CACNA1E: variants seen among roughly 807,000 people sequenced by gnomAD.
CACNA1E encodes the protein calcium voltage-gated channel subunit alpha1 E.
CACNA1E carries 40 observed loss-of-function variants against 259.2 expected under a neutral mutation model. The observed-to-expected ratio is 0.15, with a 90% CI of 0.12 to 0.20. The LOEUF (loss-of-function observed/expected upper bound fraction) is 0.20. Among genes scored for constraint, CACNA1E ranks in the 10% least tolerant of loss-of-function variants. The pLI is 1.00. For synonymous variants in CACNA1E, 1,104 were observed against 1,138.5 expected (o/e 0.97, Z 0.61); for missense variants, 1,874 against 3,040.1 (o/e 0.62, Z 9.02).
chr1:181,666,882 CATCTTAT>C (rs1648288468), intron 7 of CACNA1E, among the ~76,000 whole-genome samples: 1 of 151,980 alleles, frequency 6.6e-6, no homozygotes. Context: ...GTTGGAGCCC[CATCTTAT>C]ATCTTATATC....
chr1:181,714,865 A>T (rs2102446868), intron 8 of CACNA1E, among the ~76,000 whole-genome samples: 1 of 152,234 alleles, frequency 6.6e-6, no homozygotes, highest in South Asian at 2.1e-4. Context: ...TCCTCCTCAG[A>T]GACATAGAAT....
At chr1:181,725,173 G>A (rs1252882974) in intron 17 of CACNA1E, among the ~76,000 whole-genome samples, 2 of 152,224 alleles carry the variant, frequency 1.3e-5, no homozygotes, top group African/African-American at 4.8e-5. Context: ...TTGGGCAGAG[G>A]TGCATAGCAT....
At chr1:181,509,201 TG>T (rs1665967789) in intron 1 of CACNA1E, among the ~76,000 whole-genome samples, 1 of 152,126 alleles carries the variant, frequency 6.6e-6, no homozygotes, top group Non-Finnish European at 1.5e-5. Context: ...CCAGAGCAAC[TG>T]GTGAGCAGCT....
intron 39 of CACNA1E, among the ~76,000 whole-genome samples, chr1:181,783,417 G>C (rs184288046): frequency 6.6e-6 from 1 of 152,134 alleles, no homozygotes; most frequent in Non-Finnish European, 1.5e-5. Flanking sequence ...TGAATGATTA[G>C]GGAAGCCCCT....
chr1:181,628,067 T>C (rs35821839), intron 6 of CACNA1E, among the ~76,000 whole-genome samples: 59,077 of 152,108 alleles, frequency 0.39, 14,239 homozygotes, highest in East Asian at 0.58. Context: ...GATGAGATAA[T>C]GAGATGAAGA....
At chr1:181,407,877 G>T (rs566295871) in intron 1 of CACNA1E, among the ~76,000 whole-genome samples, 4 of 152,284 alleles carry the variant, frequency 2.6e-5, no homozygotes, top group African/African-American at 7.2e-5. Context: ...TATATAAGTT[G>T]TAGAGTATCA....
intron 27 of CACNA1E, among the ~76,000 whole-genome samples, chr1:181,754,479 T>C (rs1361934671): frequency 6.6e-6 from 1 of 152,200 alleles, no homozygotes; most frequent in Non-Finnish European, 1.5e-5. Context: ...CTGCAATGTA[T>C]TGAATTCCCA....
At chr1:181,484,559 G>A (rs1282367817) in intron 1 of CACNA1E, among the ~76,000 whole-genome samples, 1 of 152,190 alleles carries the variant, frequency 6.6e-6, no homozygotes, top group East Asian at 1.9e-4. Context: ...TTTTGGGTGG[G>A]GACTCAGCTA....
chr1:181,697,248 T>G (rs1312929052), intron 7 of CACNA1E, among the ~76,000 whole-genome samples: 1 of 152,254 alleles, frequency 6.6e-6, no homozygotes, highest in Non-Finnish European at 1.5e-5. Flanking sequence ...CCTAAGGGCC[T>G]CAGGTGGCAC....
At chr1:181,638,626 C>CAA (rs1558214021) in intron 6 of CACNA1E, among the ~76,000 whole-genome samples, 4 of 152,060 alleles carry the variant, frequency 2.6e-5, no homozygotes, top group Non-Finnish European at 5.9e-5. Flanking sequence ...TGGCTGTGTC[C>CAA]CCGCCCAAAA....
At chr1:181,636,376 A>G (rs1376077432) in intron 6 of CACNA1E, among the ~76,000 whole-genome samples, 1 of 152,220 alleles carries the variant, frequency 6.6e-6, no homozygotes, top group Non-Finnish European at 1.5e-5. Flanking sequence ...AGAAGATGAA[A>G]TGTGATAATG....
chr1:181,634,349 T>C (rs562818682), intron 6 of CACNA1E, among the ~76,000 whole-genome samples: 1 of 152,296 alleles, frequency 6.6e-6, no homozygotes, highest in South Asian at 2.1e-4. Flanking sequence ...ACTCTGAACA[T>C]AGCCATAGTT....
intron 27 of CACNA1E, among the ~76,000 whole-genome samples, chr1:181,753,872 G>A (rs539252954): frequency 2.0e-4 from 30 of 152,284 alleles, no homozygotes; most frequent in African/African-American, 6.7e-4. Flanking sequence ...ACTGAAACCT[G>A]GCTACCTTTC....
intron 7 of CACNA1E, among the ~76,000 whole-genome samples, chr1:181,657,994 TCTC>T (rs1347644725): frequency 6.6e-6 from 1 of 152,224 alleles, no homozygotes; most frequent in Non-Finnish European, 1.5e-5. Flanking sequence ...GACCACAGGC[TCTC>T]CTCTTGTATT....
intron 3 of CACNA1E, among the ~76,000 whole-genome samples, chr1:181,543,074 T>C (rs936015931): frequency 1.1e-4 from 16 of 152,148 alleles, no homozygotes; most frequent in African/African-American, 3.6e-4. Context: ...TATTAGAGAA[T>C]ACTCTGTAAG....
intron 6 of CACNA1E, among the ~76,000 whole-genome samples, chr1:181,647,596 T>C (rs1468418272): frequency 6.6e-6 from 1 of 152,182 alleles, no homozygotes; most frequent in Admixed American, 6.5e-5. Flanking sequence ...ACTTGCTGCC[T>C]TGAGTTGTCG....
intron 8 of CACNA1E, among the ~76,000 whole-genome samples, chr1:181,715,129 C>A (rs1406468098): frequency 6.6e-6 from 1 of 152,140 alleles, no homozygotes; most frequent in Non-Finnish European, 1.5e-5. Context: ...CCCCAAACAC[C>A]CCCTCCCCGA....
intron 1 of CACNA1E, among the ~76,000 whole-genome samples, chr1:181,355,872 CTG>C (rs1653393162): frequency 1.3e-5 from 2 of 152,122 alleles, no homozygotes; most frequent in African/African-American, 4.8e-5. Flanking sequence ...ATCTCAGGGA[CTG>C]TGCAGCAAAC....
At chr1:181,783,634 T>A (rs1399739568) in intron 39 of CACNA1E, 45 bp from the exon 40 acceptor site, 3 of 380,772 alleles carry the variant, frequency 7.9e-6, no homozygotes, top group Admixed American at 6.9e-5. Flanking sequence ...TGTCTTTCAA[T>A]TTTTTTTTTT....
Sources: gnomAD v4.1 joint callset for allele counts (sites outside exome capture counted in the v4.1 genomes callset) on GRCh38, gnomAD v4.1.1 for gene constraint, MANE v1.5 for transcripts, NCBI Gene and HGNC (gene_info 2026-07-23, HGNC 2026-07-21) for gene names.